PTPN11: variants seen among roughly 807,000 people sequenced by gnomAD.
PTPN11 encodes tyrosine-protein phosphatase non-receptor type 11.
A neutral mutation model predicts 78.8 loss-of-function variants in PTPN11; 6 were observed. That is an observed-to-expected ratio of 0.08 (90% CI 0.04 to 0.15). The LOEUF (loss-of-function observed/expected upper bound fraction) is 0.15. Ranked by LOEUF, PTPN11 falls within the 10% of genes least tolerant of loss-of-function variation. The pLI is 1.00. For synonymous variants in PTPN11, 221 were observed against 263.5 expected (o/e 0.84, Z 1.56); for missense variants, 386 against 744.8 (o/e 0.52, Z 5.61).
At chr12:112,436,027 A>G (rs1007918299) in intron 1 of PTPN11, among the ~76,000 whole-genome samples, 1 of 152,140 alleles carries the variant, frequency 6.6e-6, no homozygotes, top group African/African-American at 2.4e-5. Context: ...TCTATTTTAT[A>G]AAAATATTTT....
At chr12:112,464,658 T>A (rs1281912435) in intron 6 of PTPN11, among the ~76,000 whole-genome samples, 1 of 152,098 alleles carries the variant, frequency 6.6e-6, no homozygotes, top group African/African-American at 2.4e-5. Context: ...CTCCTGACCT[T>A]AAGTGATCTT....
At position 112,505,808 on chromosome 12, in the gene PTPN11, A is replaced by C. The variant is rs1374243292; in HGVS notation, c.*33-17A>C. On this transcript the variant is annotated splice_polypyrimidine_tract_variant and intron_variant, in intron 15 of 15. Transcript: ENST00000351677. ...GATATATGTTCCTTAAAAACTCTTA[A>C]CTTATTTCTTCCCCAGATGTGGACT... The C allele has an allele frequency of 6.6e-6, 1 of 151,524 alleles. No individual in the cohort carries two copies. Among genetic ancestry groups the C allele is most frequent in the African/African-American group, 2.4e-5 (1 of 41,322 alleles). The allele number at this position is 151,524 out of a possible 1,614,324, so 9.4% of individuals were successfully genotyped here.
intron 1 of PTPN11, among the ~76,000 whole-genome samples, chr12:112,441,685 A>G (rs1343168821): frequency 2.0e-5 from 3 of 152,234 alleles, no homozygotes; most frequent in Non-Finnish European, 1.5e-5. Context: ...GGAGCATTTC[A>G]GAGCATTCTA....
intron 11 of PTPN11, 125 bp from the exon 12 acceptor site, chr12:112,488,318 T>C (rs2038705132): frequency 1.1e-6 from 1 of 928,116 alleles, no homozygotes; most frequent in African/African-American, 1.6e-5. Flanking sequence ...CAAACATAAA[T>C]AGACAATTTT....
intron 13 of PTPN11, among the ~76,000 whole-genome samples, chr12:112,491,913 C>T (rs769265216): frequency 6.6e-5 from 10 of 152,192 alleles, no homozygotes; most frequent in Non-Finnish European, 1.5e-4. Context: ...CGCCGTGTTG[C>T]CCCGGCTGGC....
At chr12:112,442,946 A>G (rs917740755) in intron 1 of PTPN11, among the ~76,000 whole-genome samples, 2 of 144,994 alleles carry the variant, frequency 1.4e-5, no homozygotes, top group Non-Finnish European at 3.0e-5. Flanking sequence ...ACATATCTAC[A>G]TATAAAATAC....
At chr12:112,479,869 C>G (rs1347070483) in intron 9 of PTPN11, among the ~76,000 whole-genome samples, 2 of 152,128 alleles carry the variant, frequency 1.3e-5, no homozygotes. Context: ...ACTCTCTGCT[C>G]CCTGTCTCAT....
intron 3 of PTPN11, among the ~76,000 whole-genome samples, chr12:112,452,584 G>T (rs930429391): frequency 6.6e-6 from 1 of 151,854 alleles, no homozygotes; most frequent in Non-Finnish European, 1.5e-5. Flanking sequence ...CTGGAGTGCG[G>T]TGGCATGATC....
chr12:112,441,345 T>C (rs1002811122), intron 1 of PTPN11, among the ~76,000 whole-genome samples: 21 of 151,944 alleles, frequency 1.4e-4, no homozygotes, highest in Non-Finnish European at 2.9e-4. Flanking sequence ...CACTGCATTC[T>C]CTGCCTCCCA....
At chr12:112,469,103 C>T (rs568262297) in intron 6 of PTPN11, among the ~76,000 whole-genome samples, 16 of 152,242 alleles carry the variant, frequency 1.1e-4, no homozygotes, top group African/African-American at 3.9e-4. Context: ...TCTGGCAGAC[C>T]TGATGATGGG....
At position 112,482,416 on chromosome 12, in the gene PTPN11, G is replaced by A. The variant is rs2038610587; in HGVS notation, c.1224+211G>A. Among the ~76,000 whole-genome samples the A allele has an allele frequency of 6.6e-6, 1 of 152,144 alleles. No homozygotes were observed. Among genetic ancestry groups the A allele is most frequent in the Non-Finnish European group, 1.5e-5 (1 of 68,028 alleles). ...GGCAGGTAGTGTTCCTGCCCTCATC[G>A]AGCCTAGGGAGATAGACAATTTAAA... is the stretch of plus-strand genomic sequence containing the variant. On this transcript the variant is annotated intron_variant, in intron 10 of 15. Transcript: ENST00000351677. This position sits in a 1 kb window ranked among gnomAD's most constrained non-coding sequence, Gnocchi z 4.4.
chr12:112,459,951 T>A (rs984360926), intron 6 of PTPN11, among the ~76,000 whole-genome samples: 1 of 151,648 alleles, frequency 6.6e-6, no homozygotes, highest in Non-Finnish European at 1.5e-5. Context: ...ACTTGCAATT[T>A]GTGTTTTTTT....
intron 3 of PTPN11, among the ~76,000 whole-genome samples, chr12:112,451,162 CTTAG>C (rs1393317824): frequency 2.0e-5 from 3 of 152,082 alleles, no homozygotes; most frequent in East Asian, 3.9e-4. Context: ...TTCAGGATCT[CTTAG>C]TTAGTTTGTA....
intron 6 of PTPN11, among the ~76,000 whole-genome samples, chr12:112,469,781 C>T (rs544310551): frequency 6.6e-6 from 1 of 152,256 alleles, no homozygotes; most frequent in East Asian, 1.9e-4. Context: ...TCCCAAAGTG[C>T]TGGGATTATA....
chr12:112,420,319 G>A (rs1011542018), intron 1 of PTPN11, among the ~76,000 whole-genome samples: 1 of 151,934 alleles, frequency 6.6e-6, no homozygotes, highest in Non-Finnish European at 1.5e-5. Flanking sequence ...AGCTATTGAG[G>A]CTATTTGAAT....
At chr12:112,477,809 T>G (rs1221334884) in intron 8 of PTPN11, 48 bp from the exon 9 acceptor site, 1 of 1,610,936 alleles carries the variant, frequency 6.2e-7, no homozygotes, top group Non-Finnish European at 8.5e-7. Flanking sequence ...CCTCATGTCC[T>G]GAAAGTAACT....
chr12:112,453,450 C>A, intron 4 of PTPN11, 63 bp downstream of exon 4: 1 of 1,310,384 alleles, frequency 7.6e-7, no homozygotes, highest in Non-Finnish European at 1.1e-6. Flanking sequence ...TTTCTGCTGA[C>A]AGAAGACAGA....
intron 13 of PTPN11, among the ~76,000 whole-genome samples, chr12:112,493,585 C>T (rs2038780277): frequency 6.6e-6 from 1 of 151,810 alleles, no homozygotes; most frequent in Non-Finnish European, 1.5e-5. Context: ...GATGGGGGTT[C>T]ACCATGTTAG....
At chr12:112,505,268 C>G (rs1374476674) in intron 15 of PTPN11, among the ~76,000 whole-genome samples, 2 of 152,202 alleles carry the variant, frequency 1.3e-5, no homozygotes. Flanking sequence ...TCACCGACAT[C>G]CCTTCCAGCT....
Sources: allele counts gnomAD v4.1 joint callset (sites outside exome capture counted in the v4.1 genomes callset), GRCh38; gene constraint gnomAD v4.1.1; non-coding constraint Gnocchi (gnomAD v3.1); transcripts MANE v1.5; gene names NCBI Gene and HGNC (gene_info 2026-07-23, HGNC 2026-07-21).